KAZN: variants seen among roughly 807,000 people sequenced by gnomAD.
The protein encoded by KAZN is kazrin.
KAZN carries 40 observed loss-of-function variants against 87.4 expected under a neutral mutation model. The observed-to-expected ratio is 0.46, with a 90% CI of 0.36 to 0.60. The LOEUF is 0.60. Ranked by LOEUF, KAZN falls within the 20% of genes least tolerant of loss-of-function variation. The probability of loss-of-function intolerance (pLI) is 0.00; values close to 1 mark genes in which losing one functional copy is unlikely to be tolerated. For synonymous variants in KAZN, 466 were observed against 458.3 expected (o/e 1.02, Z -0.22); for missense variants, 898 against 1,073.9 (o/e 0.84, Z 2.29).
chr1:14,637,620 G>A (rs1046591331), intron 1 of KAZN, among the ~76,000 whole-genome samples: 2 of 152,120 alleles, frequency 1.3e-5, no homozygotes, highest in Non-Finnish European at 2.9e-5. Flanking sequence ...TGGATGAAGT[G>A]GGAGTGTGTG....
chr1:14,552,621 G>T (rs1385933922), intron 2 of KAZN, among the ~76,000 whole-genome samples: 1 of 152,204 alleles, frequency 6.6e-6, no homozygotes, highest in Non-Finnish European at 1.5e-5. Flanking sequence ...ACAAAAGCTG[G>T]AGGAGACCCC....
intron 1 of KAZN, among the ~76,000 whole-genome samples, chr1:13,902,541 G>A (rs1229406330): frequency 6.6e-6 from 1 of 152,188 alleles, no homozygotes; most frequent in African/African-American, 2.4e-5. Context: ...CCAGAGGCAG[G>A]AAGGGAGACA....
At chr1:14,697,138 A>G (rs1201098080) in intron 1 of KAZN, among the ~76,000 whole-genome samples, 1 of 141,592 alleles carries the variant, frequency 7.1e-6, no homozygotes, top group Non-Finnish European at 1.5e-5. Flanking sequence ...CAAACAAACC[A>G]ACAAAAAAAA....
At chr1:14,211,181 C>T (rs1646845522) in intron 2 of KAZN, among the ~76,000 whole-genome samples, 1 of 152,092 alleles carries the variant, frequency 6.6e-6, no homozygotes, top group Non-Finnish European at 1.5e-5. Flanking sequence ...CAGTGTTCAA[C>T]TATTTGTCCA....
At chr1:13,990,770 G>A (rs761458385) in intron 1 of KAZN, among the ~76,000 whole-genome samples, 6 of 152,122 alleles carry the variant, frequency 3.9e-5, no homozygotes, top group Non-Finnish European at 5.9e-5. Flanking sequence ...GCTTTGAAAC[G>A]CATGACTAAA....
intron 1 of KAZN, among the ~76,000 whole-genome samples, chr1:13,898,913 A>C (rs546041399): frequency 6.6e-6 from 1 of 152,324 alleles, no homozygotes; most frequent in Admixed American, 6.5e-5. Flanking sequence ...ATTTATAACT[A>C]AGAGGGCAAG....
intron 1 of KAZN, among the ~76,000 whole-genome samples, chr1:14,138,653 G>A (rs1248213087): frequency 5.3e-5 from 8 of 152,150 alleles, no homozygotes; most frequent in Admixed American, 4.6e-4. Context: ...GGTAGGCAAT[G>A]GCGTACATCG....
At chr1:14,266,716 C>T (rs1651503263) in intron 2 of KAZN, among the ~76,000 whole-genome samples, 1 of 152,176 alleles carries the variant, frequency 6.6e-6, no homozygotes, top group South Asian at 2.1e-4. Context: ...ACTCGCACCC[C>T]CCCACACTCA....
At chr1:14,425,365 C>A (rs913799482) in intron 2 of KAZN, among the ~76,000 whole-genome samples, 2 of 152,312 alleles carry the variant, frequency 1.3e-5, no homozygotes, top group Admixed American at 6.5e-5. Flanking sequence ...CCTCTTGCCA[C>A]CCCAGAAGCC....
At chr1:14,453,101 G>A (rs867469615) in intron 2 of KAZN, among the ~76,000 whole-genome samples, 5 of 151,046 alleles carry the variant, frequency 3.3e-5, no homozygotes, top group Admixed American at 6.6e-5. Context: ...GACTACAGGC[G>A]CCCACCACTA....
intron 1 of KAZN, among the ~76,000 whole-genome samples, chr1:14,175,931 T>C (rs1646064848): frequency 6.6e-6 from 1 of 152,198 alleles, no homozygotes; most frequent in Admixed American, 6.5e-5. Flanking sequence ...TTAATGCCCT[T>C]GCCAACTCTT....
intron 1 of KAZN, among the ~76,000 whole-genome samples, chr1:14,783,318 A>C (rs879298853): frequency 2.0e-5 from 3 of 152,036 alleles, no homozygotes; most frequent in Non-Finnish European, 4.4e-5. Context: ...GAGGCCAGAA[A>C]ATCTCACCAG....
chr1:14,414,091 A>G (rs1163333567), intron 2 of KAZN, among the ~76,000 whole-genome samples: 8 of 152,240 alleles, frequency 5.3e-5, no homozygotes, highest in Non-Finnish European at 1.2e-4. Context: ...GCTTTGCACT[A>G]GATGGGCAAA....
intron 13 of KAZN, among the ~76,000 whole-genome samples, chr1:15,110,673 C>T (rs1276841912): frequency 6.6e-6 from 1 of 152,234 alleles, no homozygotes; most frequent in Non-Finnish European, 1.5e-5. Flanking sequence ...GGCACTGAGC[C>T]AGGCTGCTGA....
intron 2 of KAZN, among the ~76,000 whole-genome samples, chr1:14,576,619 AG>A (rs763759078): frequency 6.6e-6 from 1 of 152,226 alleles, no homozygotes; most frequent in African/African-American, 2.4e-5. Context: ...AAAATTGAAA[AG>A]CCATCTGGTC....
chr1:15,008,634 G>A (rs1159263378), intron 2 of KAZN, among the ~76,000 whole-genome samples: 2 of 152,230 alleles, frequency 1.3e-5, no homozygotes, highest in Admixed American at 6.5e-5. Flanking sequence ...CTGCACAGGT[G>A]CCACAGGGCT....
At chr1:14,609,753 T>C (rs1201061319) in intron 1 of KAZN, among the ~76,000 whole-genome samples, 1 of 152,260 alleles carries the variant, frequency 6.6e-6, no homozygotes, top group East Asian at 1.9e-4. Context: ...CAGTGGACCC[T>C]TCCAAGTGGT....
intron 2 of KAZN, among the ~76,000 whole-genome samples, chr1:14,541,356 A>G (rs745323866): frequency 5.3e-5 from 8 of 152,362 alleles, no homozygotes; most frequent in Non-Finnish European, 1.0e-4. Context: ...TGGATATACA[A>G]TAAGTTCTTT....
At chr1:14,483,616 G>C (rs940044086) in intron 2 of KAZN, among the ~76,000 whole-genome samples, 18 of 152,326 alleles carry the variant, frequency 1.2e-4, no homozygotes, top group Admixed American at 4.6e-4. Context: ...GTCTACAGCA[G>C]TTATGTTACA....
Sources: gnomAD v4.1 joint callset for allele counts (sites outside exome capture counted in the v4.1 genomes callset) on GRCh38, gnomAD v4.1.1 for gene constraint, MANE v1.5 for transcripts, NCBI Gene and HGNC (gene_info 2026-07-23, HGNC 2026-07-21) for gene names.